The following TLE4 variants were observed in gnomAD, a reference collection of about 807,000 sequenced individuals.
TLE4 encodes transducin-like enhancer protein 4.
Under a neutral mutation model 92.8 loss-of-function variants are expected in TLE4, and 8 were observed. That is an observed-to-expected ratio of 0.09 (90% CI 0.05 to 0.16). The LOEUF (loss-of-function observed/expected upper bound fraction) is 0.16, where lower values mean the gene tolerates loss of function less well. TLE4 is among the 10% of genes least tolerant of loss of function. TLE4 has a pLI of 1.00. For synonymous variants in TLE4, 371 were observed against 374.1 expected, an observed-to-expected ratio of 0.99 and a Z score of 0.10; for missense variants, 675 against 997.6, an observed-to-expected ratio of 0.68 and a Z score of 4.36.
intron 6 of TLE4, among the ~76,000 whole-genome samples, chr9:79,630,879 C>A (rs1320140009): frequency 6.6e-6 from 1 of 151,996 alleles, no homozygotes; most frequent in Non-Finnish European, 1.5e-5. Flanking sequence ...AAAGTTTAGT[C>A]AGTGTGAATA....
At position 79,572,462 on chromosome 9, in the gene TLE4, G is replaced by C. The variant is rs1165629131; in HGVS notation, c.-329G>C. 5 of 152,748 alleles carry C rather than the reference G, an allele frequency of 3.3e-5. No homozygotes were observed. The highest frequency in any genetic ancestry group is 1.2e-4 in the African/African-American group (5 of 41,462). The allele number at this position is 152,748 out of a possible 1,614,324, so 9.5% of individuals were successfully genotyped here. ...GCGGAGCCCGCACTTTCCCGGCCGGGTGAGCGGCGGCCGCGGCGCCGGGCT... is the reference window on the plus strand; with the variant it reads ...GCGGAGCCCGCACTTTCCCGGCCGGCTGAGCGGCGGCCGCGGCGCCGGGCT... On this transcript the variant is annotated 5_prime_UTR_variant, in exon 1 of 20. Transcript: ENST00000376552.
intron 4 of TLE4, among the ~76,000 whole-genome samples, chr9:79,593,751 AC>A (rs2043250205): frequency 1.3e-5 from 2 of 152,196 alleles, no homozygotes. Context: ...AGATCATGTC[AC>A]CCAAATGAAA....
intron 8 of TLE4, among the ~76,000 whole-genome samples, chr9:79,697,051 G>GA (rs2068451199): frequency 1.3e-5 from 2 of 152,102 alleles, no homozygotes; most frequent in Non-Finnish European, 2.9e-5. Context: ...GTCATATACT[G>GA]AAAAAAATAA....
At chr9:79,715,568 A>G (rs1446251628) in intron 14 of TLE4, among the ~76,000 whole-genome samples, 1 of 152,072 alleles carries the variant, frequency 6.6e-6, no homozygotes, top group African/African-American at 2.4e-5. Context: ...CTCTCCATGA[A>G]CAGAACTTTT....
intron 5 of TLE4, among the ~76,000 whole-genome samples, chr9:79,625,088 C>T (rs1457169648): frequency 8.2e-6 from 1 of 122,532 alleles, no homozygotes; most frequent in Non-Finnish European, 1.6e-5. Flanking sequence ...GGCGGGATCT[C>T]GGCTCACTGC....
intron 14 of TLE4, 136 bp from the exon 15 acceptor site, chr9:79,718,586 C>G: frequency 7.7e-7 from 1 of 1,297,542 alleles, no homozygotes; most frequent in Middle Eastern, 1.9e-4. Flanking sequence ...GTTCTTTACA[C>G]TGTATGGACA....
chr9:79,679,148 G>T (rs1430857871), intron 8 of TLE4, among the ~76,000 whole-genome samples: 1 of 151,946 alleles, frequency 6.6e-6, no homozygotes, highest in East Asian at 1.9e-4. Context: ...GTAATGGGAT[G>T]GCTGGGTCAA....
At chr9:79,650,254 A>G (rs2058748020) in intron 6 of TLE4, among the ~76,000 whole-genome samples, 1 of 152,092 alleles carries the variant, frequency 6.6e-6, no homozygotes, top group African/African-American at 2.4e-5. Flanking sequence ...ATACATTTTT[A>G]AAACTATCAA....
intron 8 of TLE4, among the ~76,000 whole-genome samples, chr9:79,669,344 A>G (rs531108204): frequency 2.4e-4 from 36 of 152,332 alleles, no homozygotes; most frequent in Middle Eastern, 3.4e-3. Context: ...CTTCTCTGAC[A>G]AGTAGAAGAT....
At chr9:79,722,395 G>C (rs1373882739) in intron 17 of TLE4, 56 bp from the exon 18 acceptor site, 2 of 1,588,684 alleles carry the variant, frequency 1.3e-6, no homozygotes, top group Non-Finnish European at 1.7e-6. Flanking sequence ...GTACCTCCCA[G>C]ATAAAAGAAG....
chr9:79,725,214 C>A lies in TLE4; in HGVS notation c.*70C>A, dbSNP rs2076278366. On this transcript the variant is annotated 3_prime_UTR_variant, in exon 20 of 20. Transcript: ENST00000376552. ...TTGCTCTGTCATCCTTTTTGTTCAC[C>A]CCCATCCCCGCATCTAAAACCAAGG... is the stretch of plus-strand genomic sequence containing the variant. The A allele has an allele frequency of 1.8e-6, 2 of 1,121,006 alleles. No individual in the cohort carries two copies. The highest frequency in any genetic ancestry group is 1.3e-6 in the Non-Finnish European group (1 of 748,834). 69.4% of individuals were successfully genotyped at this position (1,121,006 alleles called of 1,614,324 possible). A position where few individuals can be genotyped will look rare whatever the true frequency, so the allele number is the denominator to read the frequency against.
At chr9:79,650,894 C>A (rs2058844276) in intron 6 of TLE4, among the ~76,000 whole-genome samples, 1 of 151,888 alleles carries the variant, frequency 6.6e-6, no homozygotes, top group Admixed American at 6.6e-5. Flanking sequence ...TGTACTTGGA[C>A]TTTTGTAGTC....
Position 79,708,524 on chromosome 9 carries a change from A to T in TLE4, c.1070-69A>T, listed in dbSNP as rs1319355181. 3 of 1,398,442 alleles carry T rather than the reference A, an allele frequency of 2.1e-6. No individual in the cohort carries two copies. The African/African-American group carries it at 4.3e-5, about 20-fold the overall frequency. The allele number at this position is 1,398,442 out of a possible 1,614,324, so 86.6% of individuals were successfully genotyped here. Reference sequence around the variant, plus strand: ...TGAACCATAGATTCTATTTTGTGACATGTTTACAAATGTCTTCACTGTTGT... The same window carrying T: ...TGAACCATAGATTCTATTTTGTGACTTGTTTACAAATGTCTTCACTGTTGT... On this transcript the variant is annotated intron_variant, in intron 12 of 19. Coordinates refer to ENST00000376552, the MANE Select transcript of TLE4 (RefSeq NM_007005.6).
chr9:79,680,318 G>A (rs1293012480), intron 8 of TLE4, among the ~76,000 whole-genome samples: 1 of 151,938 alleles, frequency 6.6e-6, no homozygotes, highest in Non-Finnish European at 1.5e-5. Context: ...AGTTCTCCTT[G>A]AAGAGGTCCT....
intron 6 of TLE4, among the ~76,000 whole-genome samples, chr9:79,634,646 TCA>T (rs2055220475): frequency 6.6e-6 from 1 of 152,122 alleles, no homozygotes. Context: ...CTCTTTGTAG[TCA>T]GTCATTTTTT....
At chr9:79,692,260 A>G (rs1190342011) in intron 8 of TLE4, among the ~76,000 whole-genome samples, 2 of 151,134 alleles carry the variant, frequency 1.3e-5, no homozygotes, top group African/African-American at 2.4e-5. Flanking sequence ...TCTGAAGAGA[A>G]CACCAATCCA....
At chr9:79,673,297 T>C (rs2062722413) in intron 8 of TLE4, among the ~76,000 whole-genome samples, 1 of 152,206 alleles carries the variant, frequency 6.6e-6, no homozygotes, top group Non-Finnish European at 1.5e-5. Flanking sequence ...CAAATCTGAT[T>C]ATAACAAATA....
intron 4 of TLE4, among the ~76,000 whole-genome samples, chr9:79,593,227 G>A (rs891569848): frequency 1.3e-5 from 2 of 152,032 alleles, no homozygotes; most frequent in Non-Finnish European, 2.9e-5. Flanking sequence ...AAACCGAAAT[G>A]TGGTTTTGCT....
intron 8 of TLE4, among the ~76,000 whole-genome samples, chr9:79,661,888 G>C (rs1003570639): frequency 6.6e-6 from 1 of 152,128 alleles, no homozygotes; most frequent in South Asian, 2.1e-4. Context: ...GCTCATTTGT[G>C]ATAGTTGGAA....
Sources: allele counts gnomAD v4.1 joint callset (sites outside exome capture counted in the v4.1 genomes callset), GRCh38; gene constraint gnomAD v4.1.1; transcripts MANE v1.5; gene names NCBI Gene and HGNC (gene_info 2026-07-23, HGNC 2026-07-21).